DHX29: variants seen among roughly 807,000 people sequenced by gnomAD.
DHX29 encodes ATP-dependent RNA helicase DHX29.
In DHX29, 79 loss-of-function variants were observed where a neutral mutation model predicts 167.9. The observed-to-expected ratio is 0.47, with a 90% CI of 0.39 to 0.57. DHX29 has a LOEUF of 0.57. DHX29 is among the 20% of genes least tolerant of loss of function. DHX29 has a pLI of 0.00. For missense variants in DHX29, 1,347 were observed against 1,593.4 expected (o/e 0.85, Z 2.63); for synonymous variants, 530 against 546.0 (o/e 0.97, Z 0.41).
rs1748452916 is a variant in DHX29, at chr5:55,298,815, G to A, written c.188-151C>T. On this transcript the variant is annotated intron_variant, in intron 1 of 26. Transcript: ENST00000251636. Reference sequence around the variant, plus strand: ...GGAGGCCGAGGCGGGTGGATCATGAGGTCAGGAGATCGAGACCATCCTGGC... The same window carrying A: ...GGAGGCCGAGGCGGGTGGATCATGAAGTCAGGAGATCGAGACCATCCTGGC... 12 of 389,572 alleles carry A rather than the reference G, an allele frequency of 3.1e-5. 1 individual carries two copies. In the South Asian group the frequency reaches 3.8e-4, roughly 12 times the overall value. The allele number at this position is 389,572 out of a possible 1,614,324, so 24.1% of individuals were successfully genotyped here. A position where few individuals can be genotyped will look rare whatever the true frequency, so the allele number is the denominator to read the frequency against.
intron 1 of DHX29, among the ~76,000 whole-genome samples, chr5:55,301,732 A>G (rs1342266967): frequency 1.3e-5 from 2 of 151,566 alleles, no homozygotes; most frequent in Non-Finnish European, 2.9e-5. Context: ...AAAAAAAAAA[A>G]AAAACAAGAA....
intron 24 of DHX29, 136 bp from the exon 25 acceptor site, chr5:55,261,635 T>A (rs1037632533): frequency 1.8e-5 from 12 of 648,698 alleles, no homozygotes; most frequent in Non-Finnish European, 3.0e-5. Flanking sequence ...AGCTACATTT[T>A]CATTTTCTTA....
chr5:55,284,978 C>T (rs1747641185), intron 10 of DHX29, among the ~76,000 whole-genome samples: 1 of 152,098 alleles, frequency 6.6e-6, no homozygotes, highest in Non-Finnish European at 1.5e-5. Context: ...TATGACTCTG[C>T]CACCACACTC....
Position 55,262,709 on chromosome 5 carries a change from G to A in DHX29, c.3749C>T (p.Ala1250Val). 5 of 1,613,998 alleles carry A rather than the reference G, an allele frequency of 3.1e-6. No individual in the cohort carries two copies. Among genetic ancestry groups the A allele is most frequent in the Non-Finnish European group, 4.2e-6 (5 of 1,179,976 alleles). Reference protein sequence around the residue: ...TEKLACIVETAQGKAQVHPSS... With the variant: ...TEKLACIVETVQGKAQVHPSS... Reference sequence around the variant, plus strand: ...TGGGTGTACTTGTGCTTTGCCTTGGGCCGTCTCCACAATGCAAGCCAATTT... The same window carrying A: ...TGGGTGTACTTGTGCTTTGCCTTGGACCGTCTCCACAATGCAAGCCAATTT... Residue 1250 changes from alanine to valine, a missense_variant, in exon 24 of 27, where the codon GCC becomes GTC. Physicochemically the swap from Ala to Val is moderately conservative, Grantham distance 64 (BLOSUM62 0). This residue lies in a region of DHX29 where 882 missense variants were observed against 1,082.4 expected (regional missense o/e 0.81). Transcript: ENST00000251636.
intron 13 of DHX29, 70 bp downstream of exon 13, chr5:55,277,036 C>A: frequency 4.3e-6 from 5 of 1,158,624 alleles, no homozygotes; most frequent in Non-Finnish European, 5.0e-6. Context: ...CTACAAGTGC[C>A]CATCTTCTAG....
At chr5:55,304,309 CTTTTTTT>C (rs397882409) in intron 1 of DHX29, among the ~76,000 whole-genome samples, 4 of 112,652 alleles carry the variant, frequency 3.6e-5, no homozygotes, top group East Asian at 2.7e-4. Flanking sequence ...TCAAATGTCA[CTTTTTTT>C]TTTTTTTTTT....
Position 55,270,539 on chromosome 5 carries a change from C to T in DHX29, c.2993+39G>A, listed in dbSNP as rs184086503. On this transcript the variant is annotated intron_variant, in intron 19 of 26. Coordinates refer to ENST00000251636, the MANE Select transcript of DHX29 (RefSeq NM_019030.4). ...ATATTATCAGAAATGTCACACAATA[C>T]TGGTTTATGTGTTTTACATTTCCAG... The T allele has an allele frequency of 6.1e-3, 9,803 of 1,613,628 alleles. 37 individuals are homozygous for T. The highest frequency in any genetic ancestry group is 6.9e-3 in the Non-Finnish European group (8,107 of 1,179,856).
intron 13 of DHX29, 25 bp downstream of exon 13, chr5:55,277,081 T>TAC: frequency 6.4e-7 from 1 of 1,562,142 alleles, no homozygotes; most frequent in Non-Finnish European, 8.7e-7. Flanking sequence ...TTTCTGCTTA[T>TAC]ACACACATTA....
intron 5 of DHX29, among the ~76,000 whole-genome samples, chr5:55,294,400 T>C (rs1748201835): frequency 6.6e-6 from 1 of 152,204 alleles, no homozygotes; most frequent in African/African-American, 2.4e-5. Flanking sequence ...GTTGGCTGGG[T>C]GCGGTGGCTC....
chr5:55,268,715 C>T (rs990673172), intron 21 of DHX29, among the ~76,000 whole-genome samples: 13 of 151,432 alleles, frequency 8.6e-5, no homozygotes, highest in Non-Finnish European at 4.4e-5. Flanking sequence ...AGTTGTAAAG[C>T]TTTGTGCCCA....
intron 6 of DHX29, among the ~76,000 whole-genome samples, chr5:55,291,640 C>G (rs1433933662): frequency 6.6e-6 from 1 of 152,158 alleles, no homozygotes; most frequent in Non-Finnish European, 1.5e-5. Flanking sequence ...TTTTATCTGG[C>G]AAACATGAAA....
intron 5 of DHX29, chr5:55,294,997 T>C (rs79633500): frequency 0.01 from 1,682 of 165,946 alleles, 26 homozygotes; most frequent in African/African-American, 0.037. Flanking sequence ...AAGACCACTA[T>C]ATGTGAGGAA....
At chr5:55,298,692 TA>T (rs1214476493) in intron 1 of DHX29, 28 bp from the exon 2 acceptor site, 1 of 1,058,158 alleles carries the variant, frequency 9.5e-7, no homozygotes, top group Admixed American at 1.8e-5. Flanking sequence ...CAAGGCAATT[TA>T]ATGATTAATA....
chr5:55,280,049 C>T (rs1747324217), intron 12 of DHX29, among the ~76,000 whole-genome samples: 1 of 152,112 alleles, frequency 6.6e-6, no homozygotes, highest in Non-Finnish European at 1.5e-5. Context: ...TCACACAATT[C>T]CTAATAGTAA....
At chr5:55,273,237 C>G in intron 17 of DHX29, 56 bp downstream of exon 17, 1 of 1,488,034 alleles carries the variant, frequency 6.7e-7, no homozygotes, top group Non-Finnish European at 9.0e-7. Flanking sequence ...AGTTATACGG[C>G]CATCATAAAA....
rs1561155647 is a variant in DHX29, at chr5:55,283,737, T to C, written c.1431A>G (p.Glu477=). ...TATTGGTTTCCATTTTATTTAATTC[T>C]TCCCTTTTCTTTTCTGCATCACTCC... The part of the protein sequence containing the change: ...LEWSDAEKKR[E]ELNKMETNKP... Residue 477 remains glutamate (E), a synonymous_variant, in exon 11 of 27, where the codon GAA becomes GAG. Coordinates refer to ENST00000251636, the MANE Select transcript of DHX29 (RefSeq NM_019030.4). The C allele has an allele frequency of 1.9e-6, 3 of 1,613,798 alleles. No homozygotes were observed. The highest frequency in any genetic ancestry group is 1.7e-6 in the Non-Finnish European group (2 of 1,179,940).
chr5:55,259,809 T>C (rs1177121955), intron 26 of DHX29, 39 bp downstream of exon 26: 1 of 1,196,484 alleles, frequency 8.4e-7, no homozygotes, highest in South Asian at 1.2e-5. Context: ...CACATACACA[T>C]ATGTGTATAT....
chr5:55,288,126 C>T (rs1459515250), intron 8 of DHX29, among the ~76,000 whole-genome samples: 1 of 151,662 alleles, frequency 6.6e-6, no homozygotes. Flanking sequence ...GCCTGTAATC[C>T]CAGCTACTTG....
intron 6 of DHX29, among the ~76,000 whole-genome samples, chr5:55,293,102 A>G (rs1408399032): frequency 1.3e-5 from 2 of 152,208 alleles, no homozygotes; most frequent in East Asian, 1.9e-4. Flanking sequence ...AAAAGCAAAT[A>G]CGTAGCTATA....
Sources: allele counts gnomAD v4.1 joint callset (sites outside exome capture counted in the v4.1 genomes callset), GRCh38; gene constraint gnomAD v4.1.1; regional missense constraint gnomAD v4.1.1; transcripts MANE v1.5; gene names NCBI Gene and HGNC (gene_info 2026-07-23, HGNC 2026-07-21).